The following OR5H1 variants were observed in gnomAD, a reference collection of about 807,000 sequenced individuals.
The protein encoded by OR5H1 is olfactory receptor family 5 subfamily H member 1, also known as olfactory receptor 5H1.
For missense variants in OR5H1, 378 were observed against 366.8 expected (o/e 1.03, Z -0.25); for synonymous variants, 124 against 134.4 (o/e 0.92, Z 0.54).
Position 98,133,502 on chromosome 3 carries a change from G to A in OR5H1, c.805G>A (p.Asp269Asn). The change falls in exon 2 of 2, where the codon GAT becomes AAT. Residue 269 changes from aspartate (D) to asparagine (N), a missense_variant. By Grantham distance (23) the Asp-to-Asn change is conservative. Coordinates refer to ENST00000641874, the MANE Select transcript of OR5H1 (RefSeq NM_001005338.2). ...YVGPASPQAD[D>N]QDMVEPLFYT... ...GGGCCCTGCATCTCCGCAAGCAGAT[G>A]ATCAAGATATGGTGGAGCCTCTATT... 6.2e-7 allele frequency: 1 copy of A among 1,613,472 alleles called. No homozygotes were observed. Among genetic ancestry groups the A allele is most frequent in the Non-Finnish European group, 8.5e-7 (1 of 1,179,632 alleles).
At position 98,137,147 on chromosome 3, in the gene OR5H1, C is replaced by A. The variant is rs1052907447; in HGVS notation, c.*3508C>A. The A allele has an allele frequency of 6.6e-6, 1 of 152,042 alleles. No homozygotes were observed. The highest frequency in any genetic ancestry group is 1.5e-5 in the Non-Finnish European group (1 of 68,004). The allele number at this position is 152,042 out of a possible 1,614,324, so 9.4% of individuals were successfully genotyped here. ...GATTCTGATTAAAATTTTGCAAATA[C>A]CTATATTGCAATCAAAATAAAAATG... On this transcript the variant is annotated 3_prime_UTR_variant, in exon 2 of 2. Transcript: ENST00000641874.
In OR5H1 at chr3:98,137,178, T is replaced by C. The variant is rs1708330748; in HGVS notation, c.*3539T>C. 1 of 152,192 alleles carries C rather than the reference T, an allele frequency of 6.6e-6. No homozygotes were observed. The highest frequency in any genetic ancestry group is 2.4e-5 in the African/African-American group (1 of 41,444). The allele number at this position is 152,192 out of a possible 1,614,324, so 9.4% of individuals were successfully genotyped here. ...TTGCAATCAAAATAAAAATGCTCAA[T>C]GATGATTTCTGAATTCTGGAGAGGT... is the stretch of plus-strand genomic sequence containing the variant. On this transcript the variant is annotated 3_prime_UTR_variant, in exon 2 of 2. Coordinates refer to ENST00000641874, the MANE Select transcript of OR5H1 (RefSeq NM_001005338.2).
Position 98,133,364 on chromosome 3 carries a change from T to C in OR5H1, c.667T>C (p.Phe223Leu), listed in dbSNP as rs1708281420. The change falls in exon 2 of 2, where the codon TTC (phenylalanine) becomes CTC (leucine). Residue 223 changes from phenylalanine to leucine, a missense_variant. Physicochemically the swap from Phe to Leu is conservative, Grantham distance 22. Coordinates refer to ENST00000641874, the MANE Select transcript of OR5H1 (RefSeq NM_001005338.2). ...TILVSYTFVLFAILKKKSDKG... is the reference protein window; with the variant it reads ...TILVSYTFVLLAILKKKSDKG... Reference sequence around the variant, plus strand: ...TCTTGTATCTTATACATTTGTTCTCTTCGCAATCTTAAAAAAGAAATCTGA... The same window carrying C: ...TCTTGTATCTTATACATTTGTTCTCCTCGCAATCTTAAAAAAGAAATCTGA... 1 of 1,613,278 alleles carries C rather than the reference T, an allele frequency of 6.2e-7. No individual in the cohort carries two copies. Among genetic ancestry groups the C allele is most frequent in the Non-Finnish European group, 8.5e-7 (1 of 1,179,618 alleles).
At chr3:98,132,474 TC>T (rs1708266771) in intron 1 of OR5H1, among the ~76,000 whole-genome samples, 1 of 152,104 alleles carries the variant, frequency 6.6e-6, no homozygotes, top group African/African-American at 2.4e-5. Flanking sequence ...TTTACCTAAA[TC>T]TGCTAATTAC....
rs1708296175 is a variant in OR5H1, at chr3:98,134,295, G to T, written c.*656G>T. ...CTCACTTTCTAGGATGGCTTCTAAG[G>T]CCCTTCCCAGCTATGATTATATGAT... On this transcript the variant is annotated 3_prime_UTR_variant, in exon 2 of 2. Transcript: ENST00000641874. 1 of 152,062 alleles carries T rather than the reference G, an allele frequency of 6.6e-6. No homozygotes were observed. Among genetic ancestry groups the T allele is most frequent in the Admixed American group, 6.6e-5 (1 of 15,248 alleles). The allele number at this position is 152,062 out of a possible 1,614,324, so 9.4% of individuals were successfully genotyped here.
At position 98,137,343 on chromosome 3, in the gene OR5H1, T is replaced by C. The variant is rs544545126; in HGVS notation, c.*3704T>C. On this transcript the variant is annotated 3_prime_UTR_variant, in exon 2 of 2. Transcript: ENST00000641874. The stretch of plus-strand genomic sequence containing the variant: ...GAAATCTTTACTTGTCAGAGCCTTT[T>C]CCGCAAATCTGTTGAGATTAGACAG... The C allele has an allele frequency of 2.6e-3, 392 of 152,300 alleles. 2 individuals carry two copies. The highest frequency in any genetic ancestry group is 9.0e-3 in the African/African-American group (373 of 41,580). 9.4% of individuals were successfully genotyped at this position (152,300 alleles called of 1,614,324 possible).
chr3:98,131,022 G>T (rs1022352049), intron 1 of OR5H1, among the ~76,000 whole-genome samples, 172 bp downstream of exon 1: 3 of 152,104 alleles, frequency 2.0e-5, no homozygotes, highest in Middle Eastern at 3.4e-3. Flanking sequence ...CTCTAATATG[G>T]ATAAAGAGTT....
intron 1 of OR5H1, among the ~76,000 whole-genome samples, chr3:98,131,527 A>G (rs933858555): frequency 2.0e-5 from 3 of 151,534 alleles, no homozygotes; most frequent in Non-Finnish European, 2.9e-5. Flanking sequence ...GACAGCCACT[A>G]TGATTTCGAT....
Position 98,133,251 on chromosome 3 carries a change from C to G in OR5H1, c.554C>G (p.Ser185Cys). ...HHIYCDTIPL[S>C]KISCTDSSIN... is the part of the protein sequence containing the mutation. ...ATTTACTGTGACACTATCCCATTGTCTAAGATTTCTTGTACTGATTCTTCT... is the reference window on the plus strand; with the variant it reads ...ATTTACTGTGACACTATCCCATTGTGTAAGATTTCTTGTACTGATTCTTCT... The change falls in exon 2 of 2, where the codon TCT becomes TGT. Residue 185 changes from serine to cysteine, a missense_variant. Physicochemically the swap from Ser to Cys is moderately radical, Grantham distance 112 (BLOSUM62 -1). Transcript: ENST00000641874. 6.2e-7 allele frequency: 1 copy of G among 1,611,886 alleles called. No homozygotes were observed. Among genetic ancestry groups the G allele is most frequent in the South Asian group, 1.1e-5 (1 of 91,016 alleles).
At position 98,130,756 on chromosome 3, in the gene OR5H1, A is replaced by G. The variant is rs1467417018; in HGVS notation, c.-113A>G. On this transcript the variant is annotated 5_prime_UTR_variant, in exon 1 of 2. Coordinates refer to ENST00000641874, the MANE Select transcript of OR5H1 (RefSeq NM_001005338.2). The stretch of plus-strand genomic sequence containing the variant: ...AAGAATGAATATGCCATGAATGGCT[A>G]CCTGTATTATTGACATTGCTGTGCT... 2 of 152,206 alleles carry G rather than the reference A, an allele frequency of 1.3e-5. No homozygotes were observed. Among genetic ancestry groups the G allele is most frequent in the Non-Finnish European group, 2.9e-5 (2 of 68,030 alleles). 9.4% of individuals were successfully genotyped at this position (152,206 alleles called of 1,614,324 possible). A position where few individuals can be genotyped will look rare whatever the true frequency, so the allele number is the denominator to read the frequency against.
chr3:98,135,055 A>G lies in OR5H1; in HGVS notation c.*1416A>G, dbSNP rs1708303358. ...ATACAAGATATATATTAGTACTTAT[A>G]TAGTTAAAATACAAATGTAGCAGCA... On this transcript the variant is annotated 3_prime_UTR_variant, in exon 2 of 2. Transcript: ENST00000641874. 1 of 152,178 alleles carries G rather than the reference A, an allele frequency of 6.6e-6. No individual in the cohort carries two copies. The highest frequency in any genetic ancestry group is 1.5e-5 in the Non-Finnish European group (1 of 68,022). 9.4% of individuals were successfully genotyped at this position (152,178 alleles called of 1,614,324 possible).
rs944838552 is a variant in OR5H1, at chr3:98,136,416, A to G, written c.*2777A>G. The G allele has an allele frequency of 1.3e-5, 2 of 152,214 alleles. No homozygotes were observed. The highest frequency in any genetic ancestry group is 2.9e-5 in the Non-Finnish European group (2 of 68,036). 9.4% of individuals were successfully genotyped at this position (152,214 alleles called of 1,614,324 possible). A position where few individuals can be genotyped will look rare whatever the true frequency, so the allele number is the denominator to read the frequency against. ...TTTCACCTGCAACACTGATACATTT[A>G]GGTAAACTCCCCTGTACTCAAAAAG... On this transcript the variant is annotated 3_prime_UTR_variant, in exon 2 of 2. Coordinates refer to ENST00000641874, the MANE Select transcript of OR5H1 (RefSeq NM_001005338.2).
At chr3:98,132,477 G>T (rs1217859192) in intron 1 of OR5H1, among the ~76,000 whole-genome samples, 1 of 151,950 alleles carries the variant, frequency 6.6e-6, no homozygotes, top group East Asian at 1.9e-4. Context: ...ACCTAAATCT[G>T]CTAATTACTG....
rs149741052 is a variant in OR5H1 at position 98,133,125 on chromosome 3, G to T, written c.428G>T (p.Arg143Leu). 1 of 1,613,358 alleles carries T rather than the reference G, an allele frequency of 6.2e-7. No individual in the cohort carries two copies. Among genetic ancestry groups the T allele is most frequent in the East Asian group, 2.2e-5 (1 of 44,844 alleles). Residue 143 changes from arginine (R) to leucine (L), a missense_variant, in exon 2 of 2, where the codon CGG becomes CTG. Physicochemically the swap from Arg to Leu is moderately radical, Grantham distance 102 (BLOSUM62 -2). Transcript: ENST00000641874. Reference protein sequence around the residue: ...PAIMTNGLCIRLLILSYVGGI... With the variant: ...PAIMTNGLCILLLILSYVGGI... Reference sequence around the variant, plus strand: ...ATTATGACCAATGGACTGTGCATCCGGCTATTAATCTTGTCATATGTAGGT... The same window carrying T: ...ATTATGACCAATGGACTGTGCATCCTGCTATTAATCTTGTCATATGTAGGT...
At position 98,131,836 on chromosome 3, in the gene OR5H1, C is replaced by T. The variant is rs148764117; in HGVS notation, c.-18-844C>T. Among the ~76,000 whole-genome samples, 356 of 152,040 alleles carry T rather than the reference C, an allele frequency of 2.3e-3. 2 individuals carry two copies. The highest frequency in any genetic ancestry group is 8.4e-3 in the African/African-American group (347 of 41,516). On this transcript the variant is annotated intron_variant, in intron 1 of 1. Transcript: ENST00000641874. The stretch of plus-strand genomic sequence containing the variant: ...ACCTGAGTTCTCAATGTTTAATATC[C>T]ATCTTCCCAGTCACCAAGGGACTCC...
In OR5H1 at chr3:98,132,902, G is replaced by C. The variant is rs150880938; in HGVS notation, c.205G>C (p.Val69Leu). ...CTTACTCCTTGGGAATTTAGCTTTTGTGGATGCTTGGATATCATCCACAGT... is the reference window on the plus strand; with the variant it reads ...CTTACTCCTTGGGAATTTAGCTTTTCTGGATGCTTGGATATCATCCACAGT... ...MYLLLGNLAF[V>L]DAWISSTVTP... The change falls in exon 2 of 2, where the codon GTG becomes CTG. Residue 69 changes from valine to leucine, a missense_variant. Val to Leu is a conservative substitution (Grantham distance 32). Coordinates refer to ENST00000641874, the MANE Select transcript of OR5H1 (RefSeq NM_001005338.2). 6.2e-7 allele frequency: 1 copy of C among 1,613,294 alleles called. No homozygotes were observed. The highest frequency in any genetic ancestry group is 8.5e-7 in the Non-Finnish European group (1 of 1,179,592).
rs1708303888 is a variant in OR5H1, at chr3:98,135,132, T to C, written c.*1493T>C. 1 of 152,146 alleles carries C rather than the reference T, an allele frequency of 6.6e-6. No individual in the cohort carries two copies. Among genetic ancestry groups the C allele is most frequent in the African/African-American group, 2.4e-5 (1 of 41,468 alleles). The allele number at this position is 152,146 out of a possible 1,614,324, so 9.4% of individuals were successfully genotyped here. The stretch of plus-strand genomic sequence containing the variant: ...ACTCGATTTATTTTGCAACACCAGA[T>C]TGCATGTGGTATGGGGATTTCCTGA... On this transcript the variant is annotated 3_prime_UTR_variant, in exon 2 of 2. Transcript: ENST00000641874.
At position 98,133,438 on chromosome 3, in the gene OR5H1, T is replaced by A; in HGVS notation, c.741T>A (p.Ser247=). 1 of 1,613,570 alleles carries A rather than the reference T, an allele frequency of 6.2e-7. No homozygotes were observed. Among genetic ancestry groups the A allele is most frequent in the Non-Finnish European group, 8.5e-7 (1 of 1,179,666 alleles). ...AFSTCGAHLF[S]VSLYYGPLLF... is the part of the protein sequence containing the mutation. ...CCACCTGTGGAGCCCATCTCTTCTC[T>A]GTCTCTTTATACTATGGACCCCTTC... Residue 247 remains serine, a synonymous_variant, in exon 2 of 2, where the codon TCT becomes TCA. Coordinates refer to ENST00000641874, the MANE Select transcript of OR5H1 (RefSeq NM_001005338.2).
chr3:98,131,593 C>T (rs1708255431), intron 1 of OR5H1, among the ~76,000 whole-genome samples: 1 of 152,004 alleles, frequency 6.6e-6, no homozygotes. Flanking sequence ...CACCTTGTTA[C>T]CTCCTTAATA....
Sources: gnomAD v4.1 joint callset for allele counts (sites outside exome capture counted in the v4.1 genomes callset) on GRCh38, gnomAD v4.1.1 for gene constraint, MANE v1.5 for transcripts, NCBI Gene and HGNC (gene_info 2026-07-23, HGNC 2026-07-21) for gene names.